The following ZFP82 variants were observed in gnomAD, a reference collection of about 807,000 sequenced individuals.
ZFP82 encodes zinc finger protein 82 homolog.
A neutral mutation model predicts 54.0 loss-of-function variants in ZFP82; 30 were observed. The ratio of observed to expected loss-of-function variants is 0.56; its 90% confidence interval spans 0.42 to 0.75. The LOEUF (loss-of-function observed/expected upper bound fraction) is 0.75, where lower values mean the gene tolerates loss of function less well. Among genes scored for constraint, ZFP82 ranks in the 30% least tolerant of loss-of-function variants. The pLI is 0.00. For missense variants in ZFP82, 500 were observed against 636.8 expected, an observed-to-expected ratio of 0.79 and a Z score of 2.31; for synonymous variants, 194 against 209.5, an observed-to-expected ratio of 0.93 and a Z score of 0.64.
intron 4 of ZFP82, among the ~76,000 whole-genome samples, chr19:36,401,127 CT>C (rs143489886): frequency 0.015 from 2,199 of 150,272 alleles, 62 homozygotes; most frequent in African/African-American, 0.052. Context: ...CCCTCTTTCC[CT>C]CTTTCAAAGG....
intron 4 of ZFP82, chr19:36,395,390 G>A (rs940753937): frequency 5.9e-5 from 9 of 152,102 alleles, no homozygotes; most frequent in Non-Finnish European, 1.2e-4. Context: ...TTTAGGAAAT[G>A]TGTATCAGTG....
intron 4 of ZFP82, among the ~76,000 whole-genome samples, chr19:36,403,155 A>G (rs2032418519): frequency 1.3e-5 from 2 of 151,406 alleles, no homozygotes; most frequent in South Asian, 4.2e-4. Context: ...ACAAAAAACA[A>G]TAACAACAAC....
rs1280666218 is a variant in ZFP82, at chr19:36,409,187, T to C, written c.9+594A>G. On this transcript the variant is annotated intron_variant, in intron 2 of 4. Coordinates refer to ENST00000392161, the MANE Select transcript of ZFP82 (RefSeq NM_133466.4). ...AAGACCTAGCCACACCCCTACTCAG[T>C]CCTAAAAGCCTCACAAAACATGAGA... Among the ~76,000 whole-genome samples the C allele has an allele frequency of 2.0e-5, 3 of 152,066 alleles. No individual in the cohort carries two copies. The East Asian group carries it at 5.8e-4, about 29-fold the overall frequency.
exon 2 of ZFP82, chr19:36,383,277 G>A (rs1316707464): frequency 6.6e-6 from 1 of 151,918 alleles, no homozygotes; most frequent in Non-Finnish European, 1.5e-5. Flanking sequence ...CTTGCTCATC[G>A]AACATTCTGG....
intron 1 of ZFP82, among the ~76,000 whole-genome samples, chr19:36,416,776 A>AG: frequency 6.9e-6 from 1 of 145,896 alleles, no homozygotes; most frequent in Non-Finnish European, 1.5e-5. Context: ...AAAAAAAAAA[A>AG]GAATTCCTGT....
chr19:36,411,375 A>G (rs1037147005), intron 1 of ZFP82, among the ~76,000 whole-genome samples: 3 of 152,102 alleles, frequency 2.0e-5, no homozygotes, highest in Non-Finnish European at 4.4e-5. Context: ...AAAAAAAATA[A>G]AATAAAAATA....
At chr19:36,394,174 A>G (rs1178903741) in intron 4 of ZFP82, 64 bp from the exon 5 acceptor site, 1 of 1,362,670 alleles carries the variant, frequency 7.3e-7, no homozygotes, top group Non-Finnish European at 1.0e-6. Flanking sequence ...AACATTTCTA[A>G]TGTAGAAATA....
chr19:36,403,139 C>T (rs951071198), intron 4 of ZFP82, among the ~76,000 whole-genome samples: 16 of 151,330 alleles, frequency 1.1e-4, no homozygotes, highest in Non-Finnish European at 1.8e-4. Context: ...AAGACTCCGT[C>T]TCAAAACAAA....
chr19:36,405,577 C>T lies in ZFP82; in HGVS notation c.229+3G>A, dbSNP rs760397264. 3 of 1,608,252 alleles carry T rather than the reference C, an allele frequency of 1.9e-6. No individual in the cohort carries two copies. In the East Asian group the frequency reaches 6.7e-5, roughly 36 times the overall value. The stretch of plus-strand genomic sequence containing the variant: ...GGCTTCTTCCTGCCCAACTAGCCCT[C>T]ACCTGGATATTGTCTTCTTCCTTTC... On this transcript the variant is annotated splice_donor_region_variant and intron_variant, in intron 4 of 4. Transcript: ENST00000392161.
chr19:36,396,061 ATTTTTTT>A (rs34319197), intron 4 of ZFP82: 1 of 136,840 alleles, frequency 7.3e-6, no homozygotes, highest in Non-Finnish European at 1.6e-5. Flanking sequence ...ACGCCTGGCT[ATTTTTTT>A]TTTTTTTTTG....
chr19:36,383,385 TGAC>T (rs1368107164), exon 2 of ZFP82: 1 of 152,116 alleles, frequency 6.6e-6, no homozygotes, highest in African/African-American at 2.4e-5. Flanking sequence ...AAAAGGCATC[TGAC>T]TATATTTAGC....
chr19:36,413,471 T>C (rs2032613591), intron 1 of ZFP82, among the ~76,000 whole-genome samples: 1 of 152,156 alleles, frequency 6.6e-6, no homozygotes, highest in African/African-American at 2.4e-5. Context: ...GGCAACAAGT[T>C]GAATAAATGA....
At position 36,407,868 on chromosome 19, in the gene ZFP82, T is replaced by C. The variant is rs2032511119; in HGVS notation, c.136+19A>G. On this transcript the variant is annotated intron_variant, in intron 3 of 4. Transcript: ENST00000392161. The stretch of plus-strand genomic sequence containing the variant: ...TTACAGAGAACACAGTCTAAATTCC[T>C]AGAAGCAGATAACCTTACCCAGTGA... The C allele has an allele frequency of 3.1e-6, 5 of 1,611,414 alleles. No homozygotes were observed. The highest frequency in any genetic ancestry group is 3.4e-6 in the Non-Finnish European group (4 of 1,178,556).
intron 1 of ZFP82, among the ~76,000 whole-genome samples, chr19:36,416,434 A>G (rs1332896875): frequency 4.6e-5 from 7 of 152,186 alleles, no homozygotes; most frequent in African/African-American, 1.7e-4. Flanking sequence ...GAAAGCCTCA[A>G]ATGAATTCAA....
In ZFP82 at chr19:36,407,941, T is replaced by C; in HGVS notation, c.82A>G (p.Lys28Glu). The change falls in exon 3 of 5, where the codon AAG (lysine) becomes GAG (glutamate). Residue 28 changes from lysine to glutamate, a missense_variant. Lys to Glu is a moderately conservative substitution (Grantham distance 56). Coordinates refer to ENST00000392161, the MANE Select transcript of ZFP82 (RefSeq NM_133466.4). ...AACATGACATCTCTGTACAAGTCCT[T>C]TTGTTCCAAGTCCAGGTATTCCCAC... ...EEWEYLDLEQ[K>E]DLYRDVMLEN... 1 of 1,614,166 alleles carries C rather than the reference T, an allele frequency of 6.2e-7. No homozygotes were observed. The highest frequency in any genetic ancestry group is 1.1e-5 in the South Asian group (1 of 91,086).
In ZFP82 at chr19:36,392,352, A is replaced by C. The variant is rs551099708; in HGVS notation, c.*389T>G. On this transcript the variant is annotated 3_prime_UTR_variant, in exon 5 of 5. Transcript: ENST00000392161. ...TCTACCATATTCTACTGGGCGAAGC[A>C]GTCACAGAGGGATGTAGATTCCTGT... 2.9e-4 allele frequency: 49 copies of C among 166,400 alleles called. No homozygotes were observed. The highest frequency in any genetic ancestry group is 1.1e-3 in the African/African-American group (48 of 41,910). The allele number at this position is 166,400 out of a possible 1,614,324, so 10.3% of individuals were successfully genotyped here.
intron 1 of ZFP82, among the ~76,000 whole-genome samples, chr19:36,412,680 G>A (rs568697551): frequency 1.4e-3 from 214 of 152,280 alleles, no homozygotes; most frequent in African/African-American, 5.1e-3. Flanking sequence ...GAATCTTCTT[G>A]TGCTGTTCAT....
At chr19:36,397,435 A>C (rs2032315096) in intron 4 of ZFP82, among the ~76,000 whole-genome samples, 1 of 152,080 alleles carries the variant, frequency 6.6e-6, no homozygotes, top group Non-Finnish European at 1.5e-5. Context: ...AGCCATGGTT[A>C]AGATAATGAA....
rs373296227 is a variant in ZFP82, at chr19:36,390,329, G to GCCTTTTTTTTTTTTT, written c.*2411_*2412insAAAAAAAAAAAAAGG. ...CTTTAAAGTGTAGGATTCCATTTTT[G>GCCTTTTTTTTTTTTT]TCTTTTTTTTTTTTTTTTTTGACAT... On this transcript the variant is annotated 3_prime_UTR_variant, in exon 5 of 5. Transcript: ENST00000392161. 5.8e-5 allele frequency: 7 copies of GCCTTTTTTTTTTTTT among 120,374 alleles called. 3 individuals carry two copies. The highest frequency in any genetic ancestry group is 1.7e-4 in the Admixed American group (2 of 12,114). 7.5% of individuals were successfully genotyped at this position (120,374 alleles called of 1,614,324 possible).
Sources: allele counts gnomAD v4.1 joint callset (sites outside exome capture counted in the v4.1 genomes callset), GRCh38; gene constraint gnomAD v4.1.1; transcripts MANE v1.5; gene names NCBI Gene and HGNC (gene_info 2026-07-23, HGNC 2026-07-21).